ZFHX3: variants seen among roughly 807,000 people sequenced by gnomAD.
ZFHX3 encodes the protein zinc finger homeobox protein 3.
Under a neutral mutation model 279.1 loss-of-function variants are expected in ZFHX3, and 42 were observed. That is an observed-to-expected ratio of 0.15 (90% CI 0.12 to 0.19). The LOEUF is 0.19. Ranked by LOEUF, ZFHX3 falls within the 10% of genes least tolerant of loss-of-function variation. The pLI is 1.00. For missense variants in ZFHX3, 4,981 were observed against 4,754.0 expected, an observed-to-expected ratio of 1.05 and a Z score of -1.40; for synonymous variants, 2,293 against 1,957.8, an observed-to-expected ratio of 1.17 and a Z score of -4.52.
At chr16:73,227,048 A>G (rs1224827432) in intron 5 of ZFHX3, among the ~76,000 whole-genome samples, 1 of 152,206 alleles carries the variant, frequency 6.6e-6, no homozygotes, top group Non-Finnish European at 1.5e-5. Flanking sequence ...TGAGTACTGA[A>G]TTTTTGATTG....
chr16:73,366,495 G>T (rs2016530849), intron 3 of ZFHX3, among the ~76,000 whole-genome samples: 1 of 151,868 alleles, frequency 6.6e-6, no homozygotes, highest in Non-Finnish European at 1.5e-5. Context: ...AGTTTGGGAG[G>T]CTGAGGCAGG....
intron 2 of ZFHX3, among the ~76,000 whole-genome samples, chr16:73,456,852 C>G (rs112975051): frequency 1.6e-4 from 25 of 152,336 alleles, no homozygotes; most frequent in African/African-American, 5.8e-4. Flanking sequence ...CCTTTAAAAA[C>G]TGATAATTCT....
intron 3 of ZFHX3, among the ~76,000 whole-genome samples, chr16:72,930,849 G>T (rs555288646): frequency 1.3e-5 from 2 of 152,166 alleles, no homozygotes. Flanking sequence ...GTCATAAAAT[G>T]TAAAATGTGG....
intron 3 of ZFHX3, among the ~76,000 whole-genome samples, chr16:73,339,067 G>A (rs184777116): frequency 2.2e-4 from 34 of 152,300 alleles, no homozygotes; most frequent in Admixed American, 2.2e-3. Context: ...AGAACTGTGA[G>A]CCAATTAAAC....
chr16:73,152,794 C>T (rs1373612089), intron 5 of ZFHX3, among the ~76,000 whole-genome samples: 1 of 67,036 alleles, frequency 1.5e-5, no homozygotes, highest in Non-Finnish European at 2.8e-5. Flanking sequence ...CCTGGGCTAC[C>T]GGGGTGAGGA....
intron 7 of ZFHX3, among the ~76,000 whole-genome samples, chr16:73,126,450 G>A (rs927948618): frequency 2.0e-5 from 3 of 152,108 alleles, no homozygotes; most frequent in Admixed American, 6.5e-5. Context: ...TGTGTCAAGC[G>A]GGGACTGAAG....
At chr16:73,733,926 A>T (rs550176603) in intron 1 of ZFHX3, among the ~76,000 whole-genome samples, 1 of 152,332 alleles carries the variant, frequency 6.6e-6, no homozygotes, top group South Asian at 2.1e-4. Context: ...ATGCCTGGTA[A>T]CAGTGGTCCC....
intron 3 of ZFHX3, among the ~76,000 whole-genome samples, chr16:72,897,592 C>T (rs2038930549): frequency 1.3e-5 from 2 of 152,040 alleles, no homozygotes; most frequent in African/African-American, 4.8e-5. Flanking sequence ...AGGTGCGTGC[C>T]ATCATGCCTG....
At chr16:73,871,143 C>G (rs1251839061) in intron 1 of ZFHX3, among the ~76,000 whole-genome samples, 1 of 152,146 alleles carries the variant, frequency 6.6e-6, no homozygotes, top group East Asian at 1.9e-4. Context: ...CATAAAGCTA[C>G]TTAGGGGGTC....
intron 5 of ZFHX3, among the ~76,000 whole-genome samples, chr16:73,153,586 C>T (rs1018911608): frequency 1.3e-5 from 2 of 152,158 alleles, no homozygotes. Context: ...GTCACCATTA[C>T]GGGCTTTAAT....
chr16:73,769,144 C>T (rs2053988256), intron 1 of ZFHX3, among the ~76,000 whole-genome samples: 1 of 152,286 alleles, frequency 6.6e-6, no homozygotes, highest in Admixed American at 6.5e-5. Flanking sequence ...TCTTGGCTAA[C>T]ATTTCCACTT....
intron 1 of ZFHX3, among the ~76,000 whole-genome samples, chr16:72,993,149 A>G (rs941161237): frequency 5.9e-5 from 9 of 152,256 alleles, no homozygotes; most frequent in South Asian, 2.1e-4. Context: ...CAAACAAACA[A>G]AAAAAACAAG....
intron 1 of ZFHX3, among the ~76,000 whole-genome samples, chr16:72,973,175 A>G (rs1962183953): frequency 6.6e-6 from 1 of 152,328 alleles, no homozygotes; most frequent in South Asian, 2.1e-4. Flanking sequence ...GCATGGCTCA[A>G]CATGTCCAAA....
chr16:72,919,983 C>T (rs1193676830), intron 3 of ZFHX3, among the ~76,000 whole-genome samples: 16 of 151,122 alleles, frequency 1.1e-4, no homozygotes, highest in South Asian at 4.2e-4. Flanking sequence ...TTAGTAGAGA[C>T]GGGGTTTCAC....
At chr16:72,921,996 A>C (rs1283576730) in intron 3 of ZFHX3, among the ~76,000 whole-genome samples, 2 of 152,188 alleles carry the variant, frequency 1.3e-5, no homozygotes, top group African/African-American at 4.8e-5. Flanking sequence ...AACTCCTTGG[A>C]GAAACATCTG....
chr16:73,520,091 A>C (rs2019586816), intron 2 of ZFHX3, among the ~76,000 whole-genome samples: 1 of 152,218 alleles, frequency 6.6e-6, no homozygotes, highest in South Asian at 2.1e-4. Context: ...TTAATTTCAC[A>C]CCAGGCACTT....
intron 2 of ZFHX3, among the ~76,000 whole-genome samples, chr16:73,649,682 G>A (rs2052652998): frequency 6.6e-6 from 1 of 152,162 alleles, no homozygotes; most frequent in Admixed American, 6.5e-5. Context: ...TAGCCAGTTA[G>A]ATTCTTTATA....
At chr16:73,057,909 T>C (rs1484361425) in intron 1 of ZFHX3, among the ~76,000 whole-genome samples, 1 of 147,964 alleles carries the variant, frequency 6.8e-6, no homozygotes, top group Non-Finnish European at 1.5e-5. Flanking sequence ...CGGCGACTGC[T>C]CCGGGCCGGG....
intron 1 of ZFHX3, among the ~76,000 whole-genome samples, chr16:73,814,819 C>T (rs568648103): frequency 1.8e-3 from 278 of 152,218 alleles, no homozygotes; most frequent in African/African-American, 6.1e-3. Context: ...GTGCCCACCT[C>T]GGCCTCCCAA....
Sources: allele counts gnomAD v4.1 joint callset (sites outside exome capture counted in the v4.1 genomes callset), GRCh38; gene constraint gnomAD v4.1.1; transcripts MANE v1.5; gene names NCBI Gene and HGNC (gene_info 2026-07-23, HGNC 2026-07-21).